BICC1: variants seen among roughly 807,000 people sequenced by gnomAD.
BICC1 encodes BicC family RNA binding protein 1.
A neutral mutation model predicts 111.0 loss-of-function variants in BICC1; 43 were observed. The observed-to-expected ratio is 0.39, with a 90% CI of 0.30 to 0.50. The LOEUF (loss-of-function observed/expected upper bound fraction) is 0.50. Among genes scored for constraint, BICC1 ranks in the 20% least tolerant of loss-of-function variants. The probability of loss-of-function intolerance (pLI) is 0.88; values close to 1 mark genes in which losing one functional copy is unlikely to be tolerated. For missense variants in BICC1, 1,091 were observed against 1,203.2 expected (o/e 0.91, Z 1.38); for synonymous variants, 467 against 434.4 (o/e 1.07, Z -0.93).
At chr10:58,645,328 AC>A (rs773111698) in intron 2 of BICC1, among the ~76,000 whole-genome samples, 5 of 133,364 alleles carry the variant, frequency 3.7e-5, no homozygotes, top group Non-Finnish European at 7.7e-5. Context: ...AGAATGGTGA[AC>A]CCGGGAGGCG....
chr10:58,644,951 C>T (rs1838222561), intron 2 of BICC1, among the ~76,000 whole-genome samples: 1 of 152,024 alleles, frequency 6.6e-6, no homozygotes, highest in African/African-American at 2.4e-5. Context: ...AAAAGGTCAT[C>T]AAATAGTATT....
chr10:58,604,255 T>C (rs1186197920), intron 1 of BICC1, among the ~76,000 whole-genome samples: 1 of 152,210 alleles, frequency 6.6e-6, no homozygotes, highest in African/African-American at 2.4e-5. Flanking sequence ...ACTGCTGTAT[T>C]GAGGGCCACA....
chr10:58,584,964 A>C (rs575243110), intron 1 of BICC1, among the ~76,000 whole-genome samples: 1 of 152,202 alleles, frequency 6.6e-6, no homozygotes, highest in African/African-American at 2.4e-5. Context: ...ATTTAGCATA[A>C]ATAAAATTAG....
chr10:58,731,615 G>A (rs1345328250), intron 3 of BICC1, among the ~76,000 whole-genome samples: 1 of 152,200 alleles, frequency 6.6e-6, no homozygotes, highest in Non-Finnish European at 1.5e-5. Context: ...AAGCTTGGCA[G>A]CATCTGCCTC....
intron 3 of BICC1, among the ~76,000 whole-genome samples, chr10:58,734,404 TA>T (rs1841407130): frequency 6.6e-6 from 1 of 152,262 alleles, no homozygotes; most frequent in Admixed American, 6.5e-5. Flanking sequence ...TGGTTGAATT[TA>T]TTTTTGCTTT....
intron 3 of BICC1, among the ~76,000 whole-genome samples, chr10:58,774,184 G>A (rs1220894145): frequency 1.3e-5 from 2 of 152,146 alleles, no homozygotes; most frequent in Admixed American, 6.5e-5. Context: ...CAGAGCCAAA[G>A]TATGTCAGTA....
In BICC1 at chr10:58,807,077, A is replaced by G; in HGVS notation, c.2295A>G (p.Lys765=). 2 of 1,613,930 alleles carry G rather than the reference A, an allele frequency of 1.2e-6. No homozygotes were observed. Among genetic ancestry groups the G allele is most frequent in the Non-Finnish European group, 1.7e-6 (2 of 1,179,890 alleles). The change falls in exon 17 of 21, where the codon AAA becomes AAG. Residue 765 remains lysine (K), a synonymous_variant. Coordinates refer to ENST00000373886, the MANE Select transcript of BICC1 (RefSeq NM_001080512.3). The part of the protein sequence containing the change: ...TNTWSGLGFS[K]SMPAETIKEL... ...CCTGGAGTGGCCTGGGTTTTTCTAA[A>G]TCCATGCCAGCTGAAACTATCAAGG...
intron 1 of BICC1, among the ~76,000 whole-genome samples, chr10:58,520,664 A>G (rs756158132): frequency 6.6e-6 from 1 of 152,148 alleles, no homozygotes; most frequent in East Asian, 1.9e-4. Flanking sequence ...TATCTCTTAT[A>G]TAGAAAGGTG....
chr10:58,715,836 GA>G, intron 3 of BICC1: 1 of 1,271,700 alleles, frequency 7.9e-7, no homozygotes, highest in Non-Finnish European at 1.1e-6. Flanking sequence ...GACAGAGAAA[GA>G]AAAAAGAAAA....
chr10:58,806,084 A>G (rs541110591), intron 15 of BICC1, among the ~76,000 whole-genome samples: 1 of 152,224 alleles, frequency 6.6e-6, no homozygotes, highest in Non-Finnish European at 1.5e-5. Flanking sequence ...AAAAGCAAAG[A>G]CTATGCCAGT....
intron 3 of BICC1, among the ~76,000 whole-genome samples, chr10:58,772,673 C>T (rs1052344048): frequency 1.3e-5 from 2 of 152,122 alleles, no homozygotes; most frequent in Admixed American, 6.5e-5. Context: ...TACCAATGCA[C>T]GTGTACATAG....
At chr10:58,632,335 CATT>C (rs772706445) in intron 2 of BICC1, among the ~76,000 whole-genome samples, 4 of 152,162 alleles carry the variant, frequency 2.6e-5, no homozygotes, top group Non-Finnish European at 5.9e-5. Flanking sequence ...ATTCATGAGA[CATT>C]ATTGCCCTCC....
intron 1 of BICC1, among the ~76,000 whole-genome samples, chr10:58,554,314 A>T (rs1483026542): frequency 6.6e-6 from 1 of 152,176 alleles, no homozygotes; most frequent in African/African-American, 2.4e-5. Context: ...CCTGAGCAGA[A>T]CTTAGTCTCT....
chr10:58,516,293 T>C (rs1458830711), intron 1 of BICC1, among the ~76,000 whole-genome samples: 1 of 152,244 alleles, frequency 6.6e-6, no homozygotes, highest in Non-Finnish European at 1.5e-5. Flanking sequence ...GGCAAGTTAA[T>C]CTTTAATGAG....
intron 3 of BICC1, among the ~76,000 whole-genome samples, chr10:58,707,275 G>A (rs547710616): frequency 6.6e-6 from 1 of 152,274 alleles, no homozygotes; most frequent in South Asian, 2.1e-4. Flanking sequence ...AAAATGTTTT[G>A]TTGAGTATGC....
chr10:58,518,225 G>A (rs1589054342), intron 1 of BICC1, among the ~76,000 whole-genome samples: 1 of 152,112 alleles, frequency 6.6e-6, no homozygotes, highest in African/African-American at 2.4e-5. Flanking sequence ...GACTAGCAGC[G>A]AAATCAGTTA....
At chr10:58,738,268 A>C (rs1841539423) in intron 3 of BICC1, among the ~76,000 whole-genome samples, 2 of 152,224 alleles carry the variant, frequency 1.3e-5, no homozygotes, top group East Asian at 1.9e-4. Flanking sequence ...TTTTTGTATA[A>C]GATGTAAGGA....
intron 2 of BICC1, among the ~76,000 whole-genome samples, chr10:58,638,742 A>G (rs2132202908): frequency 6.6e-6 from 1 of 152,338 alleles, no homozygotes; most frequent in East Asian, 1.9e-4. Flanking sequence ...AGGCAGAGAT[A>G]GTCCCGGCAC....
At chr10:58,671,810 T>C (rs1035515578) in intron 2 of BICC1, among the ~76,000 whole-genome samples, 6 of 152,204 alleles carry the variant, frequency 3.9e-5, no homozygotes, top group African/African-American at 1.4e-4. Context: ...TCCATGTAAA[T>C]GGCTATCAAG....
Sources: allele counts gnomAD v4.1 joint callset (sites outside exome capture counted in the v4.1 genomes callset), GRCh38; gene constraint gnomAD v4.1.1; transcripts MANE v1.5; gene names NCBI Gene and HGNC (gene_info 2026-07-23, HGNC 2026-07-21).